Variants in NFIB observed in about 807,000 individuals in gnomAD.
NFIB encodes nuclear factor 1 B-type.
NFIB carries 11 observed loss-of-function variants against 61.5 expected under a neutral mutation model. The ratio of observed to expected loss-of-function variants is 0.18; its 90% CI spans 0.11 to 0.30. The LOEUF is 0.30. NFIB is among the 10% of genes least tolerant of loss of function. The probability of loss-of-function intolerance (pLI) is 1.00; values close to 1 mark genes in which losing one functional copy is unlikely to be tolerated. For synonymous variants in NFIB, 260 were observed against 216.5 expected (o/e 1.20, Z -1.76); for missense variants, 471 against 608.9 (o/e 0.77, Z 2.38).
At chr9:14,304,146 A>C (rs1179349810) in intron 2 of NFIB, among the ~76,000 whole-genome samples, 1 of 152,216 alleles carries the variant, frequency 6.6e-6, no homozygotes, top group Non-Finnish European at 1.5e-5. Context: ...CCCAAACCAT[A>C]TCAGATGCAG....
chr9:14,333,056 G>A (rs1037324591), intron 1 of NFIB, among the ~76,000 whole-genome samples: 4 of 152,174 alleles, frequency 2.6e-5, no homozygotes, highest in African/African-American at 2.4e-5. Flanking sequence ...AGCCTCCAAG[G>A]AACGCTATTG....
chr9:14,254,797 G>A (rs2056047882), intron 2 of NFIB, among the ~76,000 whole-genome samples: 1 of 152,162 alleles, frequency 6.6e-6, no homozygotes, highest in Non-Finnish European at 1.5e-5. Context: ...GGGATTCTGT[G>A]TGTGTGTGAA....
In NFIB at chr9:14,173,921, C is replaced by A. The variant is rs922755761; in HGVS notation, c.616+5806G>T. Among the ~76,000 whole-genome samples the A allele has an allele frequency of 2.0e-4, 31 of 152,132 alleles. 1 individual carries two copies. The highest frequency in any genetic ancestry group is 2.4e-5 in the African/African-American group (1 of 41,416). ...CTGTGGAGGCTGGGCATGGTGCCAACTGCTATGTAGATCAACCTTTCATGA... is the reference window on the plus strand; with the variant it reads ...CTGTGGAGGCTGGGCATGGTGCCAAATGCTATGTAGATCAACCTTTCATGA... On this transcript the variant is annotated intron_variant, in intron 3 of 10. Transcript: ENST00000380953.
upstream of NFIB, among the ~76,000 whole-genome samples, chr9:14,315,752 C>T (rs933121027): frequency 6.6e-6 from 1 of 151,792 alleles, no homozygotes. Flanking sequence ...CCCACATACA[C>T]ACACCGCCCC....
chr9:14,114,755 C>A (rs1015375971), intron 9 of NFIB, among the ~76,000 whole-genome samples: 1 of 152,142 alleles, frequency 6.6e-6, no homozygotes, highest in Non-Finnish European at 1.5e-5. Context: ...ATTAATAACA[C>A]CACAAGAGTA....
At chr9:14,315,152 G>A (rs1053901766), upstream of NFIB, among the ~76,000 whole-genome samples, 2 of 151,888 alleles carry the variant, frequency 1.3e-5, no homozygotes, top group African/African-American at 4.8e-5. Flanking sequence ...GTGGACCAGG[G>A]GGGTGCGGCG....
chr9:14,336,740 C>CTTTATTTA (rs112686351), intron 1 of NFIB, among the ~76,000 whole-genome samples: 2 of 150,902 alleles, frequency 1.3e-5, no homozygotes, highest in African/African-American at 4.9e-5. Context: ...CATCGAAACA[C>CTTTATTTA]TTTATTTATT....
chr9:14,330,290 T>C (rs1372145158), intron 1 of NFIB, among the ~76,000 whole-genome samples: 1 of 152,186 alleles, frequency 6.6e-6, no homozygotes, highest in Non-Finnish European at 1.5e-5. Flanking sequence ...TTATCTGACA[T>C]ACCTCACAGA....
intron 1 of NFIB, among the ~76,000 whole-genome samples, chr9:14,324,432 A>G (rs904797619): frequency 6.6e-6 from 1 of 152,218 alleles, no homozygotes; most frequent in African/African-American, 2.4e-5. Context: ...ATCAAATACT[A>G]AAACTTTTAT....
intron 1 of NFIB, among the ~76,000 whole-genome samples, chr9:14,359,269 A>T (rs550208606): frequency 6.6e-6 from 1 of 152,336 alleles, no homozygotes; most frequent in South Asian, 2.1e-4. Context: ...TGCACGTGTG[A>T]CTAGGTTAAG....
chr9:14,239,183 AT>A (rs1426993074), intron 2 of NFIB, among the ~76,000 whole-genome samples: 1 of 152,220 alleles, frequency 6.6e-6, no homozygotes, highest in African/African-American at 2.4e-5. Flanking sequence ...GGTTTGTAGT[AT>A]TTTGTATTCA....
intron 2 of NFIB, among the ~76,000 whole-genome samples, chr9:14,201,260 G>C (rs2049000239): frequency 6.6e-6 from 1 of 152,124 alleles, no homozygotes; most frequent in East Asian, 1.9e-4. Context: ...TTGCTAGCTA[G>C]GATAATCTAC....
intron 2 of NFIB, among the ~76,000 whole-genome samples, chr9:14,231,485 T>C (rs1383477919): frequency 2.6e-5 from 4 of 152,004 alleles, no homozygotes; most frequent in Non-Finnish European, 4.4e-5. Flanking sequence ...ATTTATGCAA[T>C]CCCGGGTACC....
Position 14,227,009 on chromosome 9 carries a change from T to C in NFIB, c.563-47229A>G, listed in dbSNP as rs527691000. 2.4e-4 allele frequency among the ~76,000 whole-genome samples: 37 copies of C among 151,504 alleles called. No individual in the cohort carries two copies. In the South Asian group the frequency reaches 7.3e-3, roughly 30 times the overall value. On this transcript the variant is annotated intron_variant, in intron 2 of 10. Coordinates refer to ENST00000380953, the MANE Select transcript of NFIB (RefSeq NM_001190737.2). ...AAAAAAAATTAGCCGGCCGTGGTGG[T>C]GCATGTCTGTAATCCGAGCTACTTG...
rs1363394549 is a variant in NFIB at position 14,307,001 on chromosome 9, C to T, written c.550G>A (p.Val184Met). 4.3e-6 allele frequency: 7 copies of T among 1,613,924 alleles called. No individual in the cohort carries two copies. In the Admixed American group the frequency reaches 5.0e-5, roughly 12 times the overall value. ...AATCTGCTCCTACCTTGCTCCTGCA[C>T]GTAGTATGCCAAAAACAAATCAAGC... ...KELDLFLAYY[V>M]QEQDSGQSGS... Residue 184 changes from valine to methionine, a missense_variant, in exon 2 of 11, where the codon GTG (valine) becomes ATG (methionine). By Grantham distance (21) the Val-to-Met change is conservative. Transcript: ENST00000380953. This position sits in a 1 kb window ranked among gnomAD's most constrained non-coding sequence, Gnocchi z 5.3.
At chr9:14,153,731 A>C (rs7027395) in intron 4 of NFIB, among the ~76,000 whole-genome samples, 3,615 of 152,266 alleles carry the variant, frequency 0.024, 130 homozygotes, top group African/African-American at 0.081. Context: ...AGCATACTGT[A>C]AACCCTCAAG....
intron 2 of NFIB, among the ~76,000 whole-genome samples, chr9:14,293,009 A>C (rs1175637322): frequency 2.0e-5 from 3 of 152,220 alleles, no homozygotes; most frequent in Non-Finnish European, 4.4e-5. Context: ...ATTCCTTCTA[A>C]AAGGATTAAA....
intron 2 of NFIB, among the ~76,000 whole-genome samples, chr9:14,226,999 G>A (rs2052509842): frequency 6.6e-6 from 1 of 151,868 alleles, no homozygotes; most frequent in Admixed American, 6.6e-5. Context: ...AAATTAGCCG[G>A]CCGTGGTGGT....
chr9:14,376,671 C>T (rs765517754), intron 1 of NFIB, among the ~76,000 whole-genome samples: 2 of 151,978 alleles, frequency 1.3e-5, no homozygotes, highest in African/African-American at 2.4e-5. Context: ...TGGAAGCTAC[C>T]ACGCCCAGCT....
Sources: gnomAD v4.1 joint callset for allele counts (sites outside exome capture counted in the v4.1 genomes callset) on GRCh38, gnomAD v4.1.1 for gene constraint, Gnocchi (gnomAD v3.1) non-coding constraint, MANE v1.5 for transcripts, NCBI Gene and HGNC (gene_info 2026-07-23, HGNC 2026-07-21) for gene names.